The following DLG2 variants were observed in gnomAD, a reference collection of about 807,000 sequenced individuals.
The protein encoded by DLG2 is discs large MAGUK scaffold protein 2, also known as disks large homolog 2.
Under a neutral mutation model 132.5 loss-of-function variants are expected in DLG2, and 45 were observed. The observed-to-expected ratio is 0.34, with a 90% CI of 0.27 to 0.44. The LOEUF is 0.44. DLG2 is among the 20% of genes least tolerant of loss of function. The pLI, the probability that DLG2 is intolerant of heterozygous loss-of-function variation, is 1.00. For missense variants in DLG2, 1,045 were observed against 1,196.9 expected (o/e 0.87, Z 1.87); for synonymous variants, 424 against 419.6 (o/e 1.01, Z -0.13).
chr11:84,143,214 G>A lies in DLG2; in HGVS notation c.624+20247C>T, dbSNP rs145316828. On this transcript the variant is annotated intron_variant, in intron 9 of 27. Transcript: ENST00000376104. ...AAAAGGTAGGCACATGTGAACACAT[G>A]ATGAGAAGAAAGCCTTGAAGTAATG... Among the ~76,000 whole-genome samples the A allele has an allele frequency of 2.9e-3, 442 of 152,242 alleles. 3 individuals carry two copies. Among genetic ancestry groups the A allele is most frequent in the African/African-American group, 0.01 (419 of 41,568 alleles).
At chr11:84,354,925 T>A (rs2098602051) in intron 7 of DLG2, among the ~76,000 whole-genome samples, 1 of 152,118 alleles carries the variant, frequency 6.6e-6, no homozygotes, top group Non-Finnish European at 1.5e-5. Flanking sequence ...GTATGGGACA[T>A]TTAAAAAAGG....
At chr11:85,561,149 AG>A (rs201909661) in intron 3 of DLG2, among the ~76,000 whole-genome samples, 2,980 of 151,218 alleles carry the variant, frequency 0.02, 97 homozygotes, top group Admixed American at 0.036. Flanking sequence ...TAAGGGCAAG[AG>A]TTTCAGATCA....
chr11:85,614,040 G>C (rs137906349), intron 2 of DLG2, among the ~76,000 whole-genome samples: 1 of 152,108 alleles, frequency 6.6e-6, no homozygotes, highest in Admixed American at 6.5e-5. Flanking sequence ...GAACCCACCA[G>C]AAGGAAGAAA....
chr11:84,216,487 T>C (rs916275227), intron 8 of DLG2, among the ~76,000 whole-genome samples: 5 of 152,216 alleles, frequency 3.3e-5, no homozygotes, highest in African/African-American at 1.2e-4. Context: ...CATGTAACGA[T>C]TTTGTTTATC....
At chr11:83,948,730 A>C (rs1274340404) in intron 14 of DLG2, among the ~76,000 whole-genome samples, 1 of 152,116 alleles carries the variant, frequency 6.6e-6, no homozygotes, top group Non-Finnish European at 1.5e-5. Context: ...ATGTTTAGAC[A>C]CCAGCTTTGC....
intron 6 of DLG2, among the ~76,000 whole-genome samples, chr11:85,080,282 A>G (rs1441218502): frequency 1.3e-5 from 2 of 152,146 alleles, no homozygotes; most frequent in Non-Finnish European, 2.9e-5. Context: ...TAGAAAGGAA[A>G]GAAGGTAATC....
At chr11:85,191,162 G>GCACACACACACACACACA (rs3067460) in intron 4 of DLG2, among the ~76,000 whole-genome samples, 8 of 139,924 alleles carry the variant, frequency 5.7e-5, no homozygotes, top group Non-Finnish European at 9.2e-5. Context: ...GCGCACGCGC[G>GCACACACACACACACACA]CACACACACA....
chr11:84,784,366 A>AATTAATT (rs1555220727), intron 6 of DLG2, among the ~76,000 whole-genome samples: 2,340 of 147,274 alleles, frequency 0.016, 37 homozygotes, highest in South Asian at 0.034. Flanking sequence ...ATAAATAAAT[A>AATTAATT]AATTAAACAA....
intron 3 of DLG2, among the ~76,000 whole-genome samples, chr11:85,300,196 T>G (rs143460267): frequency 6.6e-6 from 1 of 152,278 alleles, no homozygotes; most frequent in African/African-American, 2.4e-5. Context: ...ATACTTCACT[T>G]CCAATTATCT....
intron 17 of DLG2, among the ~76,000 whole-genome samples, chr11:83,830,997 T>A (rs1331745755): frequency 1.3e-5 from 2 of 152,194 alleles, no homozygotes; most frequent in Non-Finnish European, 2.9e-5. Flanking sequence ...TTAGGTAGAA[T>A]TTTAGAATCA....
chr11:85,122,957 A>ATATATATATTT (rs1555376348), intron 5 of DLG2, among the ~76,000 whole-genome samples: 4 of 44,216 alleles, frequency 9.0e-5, no homozygotes, highest in African/African-American at 4.4e-4. Flanking sequence ...TATTATATAT[A>ATATATATATTT]TATATATATA....
At position 85,041,534 on chromosome 11, in the gene DLG2, A is replaced by G. The variant is rs574516605; in HGVS notation, c.357+70127T>C. On this transcript the variant is annotated intron_variant, in intron 6 of 27. Transcript: ENST00000376104. The stretch of plus-strand genomic sequence containing the variant: ...AGATTTGAGCAGGGGAGTGGCATAA[A>G]AAAGGCTTTGTATTTTAAAAGCTCA... 8.4e-4 allele frequency among the ~76,000 whole-genome samples: 128 copies of G among 152,104 alleles called. 1 individual carries two copies. The highest frequency in any genetic ancestry group is 3.0e-3 in the African/African-American group (123 of 41,562).
chr11:83,467,769 ATG>A (rs1235200847), intron 25 of DLG2, among the ~76,000 whole-genome samples: 945 of 61,822 alleles, frequency 0.015, 27 homozygotes, highest in African/African-American at 0.075. Flanking sequence ...TAAAAACTAT[ATG>A]TATATATATA....
intron 7 of DLG2, among the ~76,000 whole-genome samples, chr11:84,475,029 A>T (rs1374373522): frequency 6.6e-6 from 1 of 152,150 alleles, no homozygotes; most frequent in Non-Finnish European, 1.5e-5. Context: ...TCTGTAATTT[A>T]AAAATGACAT....
At chr11:84,422,727 T>A (rs2098954825) in intron 7 of DLG2, among the ~76,000 whole-genome samples, 1 of 152,170 alleles carries the variant, frequency 6.6e-6, no homozygotes, top group Non-Finnish European at 1.5e-5. Context: ...CATTATTAAT[T>A]TACTAGTTAT....
intron 15 of DLG2, among the ~76,000 whole-genome samples, chr11:83,912,276 C>T (rs2076210835): frequency 2.6e-5 from 4 of 152,084 alleles, no homozygotes; most frequent in Non-Finnish European, 5.9e-5. Flanking sequence ...ATATAGTAAT[C>T]ATCCAACTTA....
At chr11:85,200,032 C>A (rs2081342056) in intron 4 of DLG2, among the ~76,000 whole-genome samples, 1 of 151,444 alleles carries the variant, frequency 6.6e-6, no homozygotes, top group Non-Finnish European at 1.5e-5. Flanking sequence ...CCCACAACAA[C>A]AACAAGAATT....
chr11:83,850,223 G>A (rs57715228), intron 16 of DLG2, among the ~76,000 whole-genome samples: 2,271 of 150,646 alleles, frequency 0.015, 71 homozygotes, highest in African/African-American at 0.052. Flanking sequence ...GCGTGATCCC[G>A]GCTCACTGCA....
chr11:85,565,667 T>C (rs552428477), intron 3 of DLG2, among the ~76,000 whole-genome samples: 2 of 152,162 alleles, frequency 1.3e-5, no homozygotes, highest in South Asian at 2.1e-4. Flanking sequence ...TTTAGCCATA[T>C]TGTAGCATGT....
Sources: gnomAD v4.1 joint callset for allele counts (sites outside exome capture counted in the v4.1 genomes callset) on GRCh38, gnomAD v4.1.1 for gene constraint, MANE v1.5 for transcripts, NCBI Gene and HGNC (gene_info 2026-07-23, HGNC 2026-07-21) for gene names.